The following WDFY4 variants were observed in gnomAD, a reference collection of about 807,000 sequenced individuals.
WDFY4 encodes the protein WD repeat- and FYVE domain-containing protein 4.
In WDFY4, 169 loss-of-function variants were observed where a neutral mutation model predicts 351.9. The observed-to-expected ratio is 0.48, with a 90% CI of 0.42 to 0.55. WDFY4 has a LOEUF of 0.55. Ranked by LOEUF, WDFY4 falls within the 20% of genes least tolerant of loss-of-function variation. WDFY4 has a pLI of 0.00. For synonymous variants in WDFY4, 1,622 were observed against 1,574.6 expected, an observed-to-expected ratio of 1.03 and a Z score of -0.71; for missense variants, 3,803 against 3,935.6, an observed-to-expected ratio of 0.97 and a Z score of 0.90.
intron 39 of WDFY4, among the ~76,000 whole-genome samples, chr10:48,866,801 C>T (rs1470831150): frequency 6.6e-6 from 1 of 152,150 alleles, no homozygotes; most frequent in Non-Finnish European, 1.5e-5. Context: ...TAGGTGACGC[C>T]TGTATTTATA....
chr10:48,720,915 G>A (rs995440654), intron 3 of WDFY4, among the ~76,000 whole-genome samples: 9 of 148,642 alleles, frequency 6.1e-5, no homozygotes, highest in Non-Finnish European at 1.2e-4. Context: ...TAGATTTCAG[G>A]AATTCTTGCA....
intron 39 of WDFY4, among the ~76,000 whole-genome samples, chr10:48,834,150 T>C (rs928101838): frequency 1.3e-5 from 2 of 152,206 alleles, no homozygotes; most frequent in Non-Finnish European, 2.9e-5. Context: ...CACTGTTCAA[T>C]AAGTTCATTG....
intron 2 of WDFY4, among the ~76,000 whole-genome samples, chr10:48,717,655 A>C (rs1389720248): frequency 6.6e-6 from 1 of 152,220 alleles, no homozygotes; most frequent in African/African-American, 2.4e-5. Context: ...TTATAGACTC[A>C]TACTGTAATA....
intron 39 of WDFY4, among the ~76,000 whole-genome samples, chr10:48,855,201 A>G (rs1447197660): frequency 1.3e-5 from 2 of 152,164 alleles, no homozygotes; most frequent in Admixed American, 6.5e-5. Flanking sequence ...GATAATATAC[A>G]TAGGGAAAAA....
chr10:48,763,162 T>C (rs1480651815), intron 13 of WDFY4, among the ~76,000 whole-genome samples: 1 of 152,236 alleles, frequency 6.6e-6, no homozygotes, highest in Non-Finnish European at 1.5e-5. Flanking sequence ...ATCACCTCTG[T>C]GCCAGGAATG....
intron 57 of WDFY4, among the ~76,000 whole-genome samples, chr10:48,971,078 C>T (rs1403432402): frequency 9.2e-5 from 14 of 152,096 alleles, no homozygotes; most frequent in Non-Finnish European, 2.9e-5. Context: ...AACACAAAAC[C>T]CCATGCGCTC....
intron 47 of WDFY4, among the ~76,000 whole-genome samples, chr10:48,921,161 A>G (rs1017424107): frequency 1.2e-4 from 18 of 152,218 alleles, no homozygotes; most frequent in African/African-American, 3.6e-4. Flanking sequence ...CTAGGAATGG[A>G]AAATAATTTT....
intron 44 of WDFY4, among the ~76,000 whole-genome samples, chr10:48,894,781 T>C (rs1033311732): frequency 1.3e-5 from 2 of 151,972 alleles, no homozygotes; most frequent in Non-Finnish European, 2.9e-5. Context: ...CACAGAGGAG[T>C]GGCCATGTCA....
intron 55 of WDFY4, 129 bp downstream of exon 55, chr10:48,966,802 C>T: frequency 1.6e-6 from 2 of 1,269,176 alleles, no homozygotes; most frequent in South Asian, 1.6e-5. Flanking sequence ...ATGGCTGCAT[C>T]TCCAGTCACA....
chr10:48,760,447 G>A lies in WDFY4; in HGVS notation c.2553+7G>A, dbSNP rs72789234. 6,020 of 1,551,488 alleles carry A rather than the reference G, an allele frequency of 3.9e-3. 19 individuals are homozygous for A. Among genetic ancestry groups the A allele is most frequent in the Middle Eastern group, 0.01 (62 of 5,976 alleles). ...CCATGAAGATCACCCACAGGTACCT[G>A]GTGTTGAATATGTGTGTTTTGTCAT... On this transcript the variant is annotated splice_region_variant and intron_variant, in intron 13 of 61. Coordinates refer to ENST00000325239, the MANE Select transcript of WDFY4 (RefSeq NM_001394531.1).
At position 48,964,075 on chromosome 10, in the gene WDFY4, T is replaced by G. The variant is rs746988451; in HGVS notation, c.8436+21T>G. On this transcript the variant is annotated intron_variant, in intron 54 of 61. Transcript: ENST00000325239. ...AACAGGTACAGCATGCCTTGTCATT[T>G]GCCTTGCTTTCTCAAAAGAGTGTGT... 58 of 1,548,782 alleles carry G rather than the reference T, an allele frequency of 3.7e-5. No homozygotes were observed. In the African/African-American group the frequency reaches 6.4e-4, roughly 17 times the overall value.
chr10:48,688,621 A>T (rs1309398900), intron 1 of WDFY4, among the ~76,000 whole-genome samples: 1 of 152,126 alleles, frequency 6.6e-6, no homozygotes, highest in Non-Finnish European at 1.5e-5. Context: ...TTCAAAATGC[A>T]AGCATTTTAA....
chr10:48,770,784 G>A (rs1210623227), intron 13 of WDFY4, among the ~76,000 whole-genome samples: 2 of 152,230 alleles, frequency 1.3e-5, no homozygotes, highest in East Asian at 3.8e-4. Flanking sequence ...GGCTACACAT[G>A]TCCATCTGCC....
At chr10:48,823,699 C>T (rs2067903993) in intron 35 of WDFY4, 9 of 995,028 alleles carry the variant, frequency 9.0e-6, no homozygotes, top group Non-Finnish European at 1.1e-5. Flanking sequence ...ATGGCTAAAG[C>T]ATGGACTCCC....
At chr10:48,914,945 C>T (rs1589873603) in intron 47 of WDFY4, among the ~76,000 whole-genome samples, 1 of 152,326 alleles carries the variant, frequency 6.6e-6, no homozygotes, top group East Asian at 1.9e-4. Context: ...ATCCTTCACA[C>T]TGGACTTCAA....
intron 9 of WDFY4, among the ~76,000 whole-genome samples, chr10:48,732,750 G>T (rs1398558655): frequency 6.6e-6 from 1 of 152,240 alleles, no homozygotes. Flanking sequence ...CATAACAGGG[G>T]CTCAAGAAAC....
chr10:48,770,385 C>T (rs1190733397), intron 13 of WDFY4, among the ~76,000 whole-genome samples: 1 of 152,144 alleles, frequency 6.6e-6, no homozygotes, highest in African/African-American at 2.4e-5. Flanking sequence ...AAGTGAAGTG[C>T]TGGTAATAAA....
intron 39 of WDFY4, among the ~76,000 whole-genome samples, chr10:48,864,235 T>C (rs533544265): frequency 2.6e-5 from 4 of 152,352 alleles, no homozygotes; most frequent in Admixed American, 6.5e-5. Context: ...TTCAGGTTTT[T>C]GTTTCATTTT....
chr10:48,927,605 A>C (rs1839682226), intron 47 of WDFY4, among the ~76,000 whole-genome samples: 1 of 152,212 alleles, frequency 6.6e-6, no homozygotes, highest in Non-Finnish European at 1.5e-5. Context: ...ATGCATTTAT[A>C]GCTTTGTCTG....
Sources: allele counts gnomAD v4.1 joint callset (sites outside exome capture counted in the v4.1 genomes callset), GRCh38; gene constraint gnomAD v4.1.1; transcripts MANE v1.5; gene names NCBI Gene and HGNC (gene_info 2026-07-23, HGNC 2026-07-21).